The following CSGALNACT1 variants were observed in gnomAD, a reference collection of about 807,000 sequenced individuals.
CSGALNACT1 encodes the protein chondroitin sulfate N-acetylgalactosaminyltransferase 1.
In CSGALNACT1, 52 loss-of-function variants were observed where a neutral mutation model predicts 51.0. That is an observed-to-expected ratio of 1.02 (90% CI 0.82 to 1.29). CSGALNACT1 has a LOEUF of 1.29. Among genes scored for constraint, CSGALNACT1 ranks in the 50% most tolerant of loss-of-function variants. The probability of loss-of-function intolerance (pLI) is 0.00; values close to 1 mark genes in which losing one functional copy is unlikely to be tolerated. For synonymous variants in CSGALNACT1, 341 were observed against 254.4 expected, an observed-to-expected ratio of 1.34 and a Z score of -3.24; for missense variants, 935 against 679.2, an observed-to-expected ratio of 1.38 and a Z score of -4.19.
At chr8:19,744,026 A>G (rs17091251) in intron 1 of CSGALNACT1, among the ~76,000 whole-genome samples, 22,196 of 152,220 alleles carry the variant, frequency 0.15, 1,760 homozygotes, top group Middle Eastern at 0.18. Context: ...TATTATTCTG[A>G]ATGGTAATGC....
rs765885733 is a variant in CSGALNACT1 at position 19,420,325 on chromosome 8, A to G, written c.1132+15T>C. ...GCTGGGGGCCACCTGAGCGTGACAG[A>G]GAGATGATCCATACCTGGCTGTGTA... On this transcript the variant is annotated intron_variant, in intron 7 of 9. Transcript: ENST00000454498. 6.2e-7 allele frequency: 1 copy of G among 1,613,824 alleles called. No homozygotes were observed. Among genetic ancestry groups the G allele is most frequent in the Non-Finnish European group, 8.5e-7 (1 of 1,179,742 alleles).
intron 4 of CSGALNACT1, among the ~76,000 whole-genome samples, chr8:19,493,270 T>G (rs745943557): frequency 2.6e-5 from 4 of 152,212 alleles, no homozygotes; most frequent in Non-Finnish European, 5.9e-5. Context: ...AGCCTTTTCA[T>G]TAGTCTCCCA....
At chr8:19,660,259 G>C (rs114870448) in intron 1 of CSGALNACT1, among the ~76,000 whole-genome samples, 2 of 152,200 alleles carry the variant, frequency 1.3e-5, no homozygotes, top group Non-Finnish European at 2.9e-5. Context: ...AAAAAGATGA[G>C]AGGATGGAGC....
At chr8:19,539,144 G>T (rs923086701) in intron 3 of CSGALNACT1, among the ~76,000 whole-genome samples, 1 of 152,128 alleles carries the variant, frequency 6.6e-6, no homozygotes, top group Non-Finnish European at 1.5e-5. Flanking sequence ...GATTACTATA[G>T]TCAAGCAAAT....
At chr8:19,705,709 C>T (rs572150837) in intron 1 of CSGALNACT1, among the ~76,000 whole-genome samples, 95 of 152,034 alleles carry the variant, frequency 6.2e-4, no homozygotes, top group Non-Finnish European at 1.3e-3. Context: ...TTCACTCCAG[C>T]CTAGGCAACA....
chr8:19,671,608 C>T (rs545017241), intron 1 of CSGALNACT1, among the ~76,000 whole-genome samples: 30 of 152,184 alleles, frequency 2.0e-4, no homozygotes, highest in Admixed American at 1.2e-3. Context: ...CCTGCCCTCC[C>T]GCAACTTATA....
intron 3 of CSGALNACT1, among the ~76,000 whole-genome samples, chr8:19,574,832 C>T (rs376052697): frequency 9.9e-5 from 15 of 152,070 alleles, no homozygotes; most frequent in African/African-American, 3.6e-4. Flanking sequence ...CTGAGGAGAT[C>T]AAGACCACCC....
chr8:19,511,110 AG>A (rs2078378943), intron 3 of CSGALNACT1, among the ~76,000 whole-genome samples: 1 of 152,280 alleles, frequency 6.6e-6, no homozygotes, highest in Admixed American at 6.5e-5. Flanking sequence ...GCAGGCAGAA[AG>A]GACAGTGGCT....
At position 19,423,512 on chromosome 8, in the gene CSGALNACT1, T is replaced by G. The variant is rs944625041; in HGVS notation, c.954-2994A>C. ...AATCCCCTAACCCTGGCTTGAGCTG[T>G]TGCTAATAAATGCTGTTCTCTCCTC... On this transcript the variant is annotated intron_variant, in intron 6 of 9. Transcript: ENST00000454498. Among the ~76,000 whole-genome samples the G allele has an allele frequency of 2.0e-5, 3 of 152,176 alleles. No homozygotes were observed. The East Asian group carries it at 5.8e-4, about 29-fold the overall frequency.
At chr8:19,459,379 T>C (rs548667777) in intron 4 of CSGALNACT1, among the ~76,000 whole-genome samples, 165 of 99,160 alleles carry the variant, frequency 1.7e-3, no homozygotes, top group African/African-American at 6.3e-3. Flanking sequence ...CGAAACTTTA[T>C]CTCAAAAAAA....
At chr8:19,536,020 A>C (rs1328066445) in intron 3 of CSGALNACT1, among the ~76,000 whole-genome samples, 1 of 152,210 alleles carries the variant, frequency 6.6e-6, no homozygotes, top group East Asian at 1.9e-4. Flanking sequence ...TTAGAAAGGA[A>C]GAAGTAAAAC....
intron 3 of CSGALNACT1, among the ~76,000 whole-genome samples, chr8:19,517,842 T>C (rs759711158): frequency 2.0e-5 from 3 of 151,178 alleles, no homozygotes; most frequent in Non-Finnish European, 2.9e-5. Context: ...GGAGCTACAA[T>C]TCAAGATGAG....
At chr8:19,405,892 G>GACTGCATGCACATCTTGT in exon 10 of CSGALNACT1, 1 of 1,614,142 alleles carries the variant, frequency 6.2e-7, no homozygotes, top group Non-Finnish European at 8.5e-7. Context: ...CATGGCCTTG[G>GACTGCATGCACATCTTGT]ACTGCATGCA....
exon 10 of CSGALNACT1, chr8:19,405,441 T>C: frequency 2.0e-6 from 1 of 490,270 alleles, no homozygotes; most frequent in South Asian, 1.5e-5. Flanking sequence ...ACAAAACTGC[T>C]CTTAAATCAT....
At chr8:19,562,132 C>A (rs1044026318) in intron 3 of CSGALNACT1, among the ~76,000 whole-genome samples, 1 of 152,144 alleles carries the variant, frequency 6.6e-6, no homozygotes, top group South Asian at 2.1e-4. Context: ...CCTGCCACCC[C>A]CACAGACCCC....
At chr8:19,588,400 T>C (rs2047111673) in intron 3 of CSGALNACT1, among the ~76,000 whole-genome samples, 1 of 152,200 alleles carries the variant, frequency 6.6e-6, no homozygotes, top group South Asian at 2.1e-4. Context: ...CTGTAGAGTA[T>C]TATTTGATTC....
intron 4 of CSGALNACT1, among the ~76,000 whole-genome samples, chr8:19,460,543 A>T (rs2065132467): frequency 6.6e-6 from 1 of 152,176 alleles, no homozygotes; most frequent in Non-Finnish European, 1.5e-5. Flanking sequence ...CTTAATCCCC[A>T]CAGTGAACCA....
chr8:19,632,960 G>C (rs1219010252), intron 1 of CSGALNACT1, among the ~76,000 whole-genome samples: 4 of 147,776 alleles, frequency 2.7e-5, no homozygotes, highest in Non-Finnish European at 5.9e-5. Flanking sequence ...TAGAGACGAG[G>C]TTTCCCCATG....
At chr8:19,459,377 T>C (rs1279600458) in intron 4 of CSGALNACT1, among the ~76,000 whole-genome samples, 80 of 109,600 alleles carry the variant, frequency 7.3e-4, no homozygotes, top group Non-Finnish European at 1.0e-3. Flanking sequence ...AGCGAAACTT[T>C]ATCTCAAAAA....
Sources: allele counts gnomAD v4.1 joint callset (sites outside exome capture counted in the v4.1 genomes callset), GRCh38; gene constraint gnomAD v4.1.1; transcripts MANE v1.5; gene names NCBI Gene and HGNC (gene_info 2026-07-23, HGNC 2026-07-21).